The following HTR2C variants were observed in gnomAD, a reference collection of about 807,000 sequenced individuals.
HTR2C encodes the protein 5-hydroxytryptamine receptor 2C, also known as 5-hydroxytryptamine (serotonin) receptor 2C, G protein-coupled.
A neutral mutation model predicts 21.0 loss-of-function variants in HTR2C; 5 were observed. That is an observed-to-expected ratio of 0.24 (90% CI 0.12 to 0.50). The LOEUF is 0.50. HTR2C is among the 20% of genes least tolerant of loss of function. The pLI is 0.98. For missense variants in HTR2C, 271 were observed against 371.2 expected (o/e 0.73, Z 2.22); for synonymous variants, 150 against 145.3 (o/e 1.03, Z -0.23).
At chrX:114,731,995 C>T (rs2069542123) in intron 4 of HTR2C, among the ~76,000 whole-genome samples, 1 of 111,509 alleles carries the variant, frequency 9.0e-6, no homozygotes, top group South Asian at 3.8e-4. Flanking sequence ...GGCTCATCCT[C>T]TTTAATAAAT....
intron 5 of HTR2C, among the ~76,000 whole-genome samples, chrX:114,859,687 T>A (rs1385143170): frequency 9.0e-6 from 1 of 111,194 alleles, no homozygotes; most frequent in African/African-American, 3.3e-5. Context: ...ATTTTCTATG[T>A]CATTGACATC....
At chrX:114,863,171 C>T (rs2071019409) in intron 5 of HTR2C, among the ~76,000 whole-genome samples, 2 of 111,330 alleles carry the variant, frequency 1.8e-5, no homozygotes, top group African/African-American at 3.3e-5. Flanking sequence ...GATATCTCTT[C>T]AATATATATT....
intron 2 of HTR2C, among the ~76,000 whole-genome samples, chrX:114,686,776 T>G (rs1186032698): frequency 1.8e-5 from 2 of 111,111 alleles, no homozygotes; most frequent in African/African-American, 6.5e-5. Context: ...ATACATTATA[T>G]AACTTTTATG....
chrX:114,805,625 CCATATATAT>C (rs1569495509), intron 4 of HTR2C, among the ~76,000 whole-genome samples: 2,445 of 15,642 alleles, frequency 0.16, 732 homozygotes, highest in African/African-American at 0.44. Flanking sequence ...CATATATATA[CCATATATAT>C]ACCATATATA....
intron 4 of HTR2C, among the ~76,000 whole-genome samples, chrX:114,767,069 GTTTA>G (rs1196078361): frequency 8.1e-5 from 9 of 111,017 alleles, no homozygotes; most frequent in Non-Finnish European, 1.1e-4. Context: ...TTTTCATCCT[GTTTA>G]TTTCTGTTTT....
At chrX:114,773,180 C>T (rs2070023208) in intron 4 of HTR2C, among the ~76,000 whole-genome samples, 1 of 111,957 alleles carries the variant, frequency 8.9e-6, no homozygotes, top group Non-Finnish European at 1.9e-5. Context: ...GAACTTCTTT[C>T]CCCCTTTCCC....
intron 2 of HTR2C, among the ~76,000 whole-genome samples, chrX:114,634,928 T>C (rs1929783631): frequency 8.9e-6 from 1 of 112,523 alleles, no homozygotes; most frequent in South Asian, 3.6e-4. Context: ...TATCCCATAG[T>C]TGGACAACTG....
intron 4 of HTR2C, among the ~76,000 whole-genome samples, chrX:114,741,171 C>G (rs905381852): frequency 2.7e-5 from 3 of 110,097 alleles, no homozygotes; most frequent in Non-Finnish European, 3.8e-5. Context: ...AAAACAGAAA[C>G]AGAAACTCCT....
intron 2 of HTR2C, among the ~76,000 whole-genome samples, chrX:114,624,940 AT>A (rs1929320089): frequency 8.9e-6 from 1 of 112,051 alleles, no homozygotes; most frequent in South Asian, 3.7e-4. Flanking sequence ...ATAAGGCTCT[AT>A]AAAACAGTGC....
intron 4 of HTR2C, among the ~76,000 whole-genome samples, chrX:114,833,537 A>G (rs1412809736): frequency 9.0e-6 from 1 of 110,529 alleles, no homozygotes; most frequent in Admixed American, 9.5e-5. Context: ...CGGTGGGATT[A>G]GTGGTGATAT....
At chrX:114,741,761 A>G (rs782120492) in intron 4 of HTR2C, among the ~76,000 whole-genome samples, 1 of 108,623 alleles carries the variant, frequency 9.2e-6, no homozygotes, top group South Asian at 4.1e-4. Flanking sequence ...TTTGTATTCA[A>G]TCAATAACTC....
chrX:114,630,828 C>A, intron 2 of HTR2C: 1 of 372,045 alleles, frequency 2.7e-6, no homozygotes, highest in Non-Finnish European at 5.2e-6. Context: ...TGGGCTCCAT[C>A]TTGACCAACT....
intron 4 of HTR2C, among the ~76,000 whole-genome samples, chrX:114,744,744 A>G (rs1165209966): frequency 1.8e-5 from 2 of 111,314 alleles, no homozygotes; most frequent in African/African-American, 6.5e-5. Context: ...GAGCCACCGC[A>G]CTCAGCCCCC....
chrX:114,705,664 T>C (rs1269674594), intron 2 of HTR2C, among the ~76,000 whole-genome samples: 2 of 87,867 alleles, frequency 2.3e-5, no homozygotes, highest in East Asian at 4.0e-4. Flanking sequence ...ACTTCATGTC[T>C]AAAACACCAA....
chrX:114,585,297 G>A (rs970616381), intron 1 of HTR2C, among the ~76,000 whole-genome samples: 1 of 111,694 alleles, frequency 9.0e-6, no homozygotes, highest in Admixed American at 9.5e-5. Flanking sequence ...GCTGTTAGCT[G>A]AATTTGAACA....
At chrX:114,610,409 A>G (rs1007116732) in intron 1 of HTR2C, among the ~76,000 whole-genome samples, 1 of 112,149 alleles carries the variant, frequency 8.9e-6, no homozygotes, top group Admixed American at 9.5e-5. Context: ...ACTATTTTAT[A>G]TTATCTTTTC....
At chrX:114,847,113 A>G (rs782659855) in intron 4 of HTR2C, among the ~76,000 whole-genome samples, 4 of 111,223 alleles carry the variant, frequency 3.6e-5, no homozygotes, top group African/African-American at 1.3e-4. Flanking sequence ...GATAAACCTC[A>G]AAAACATTAG....
intron 2 of HTR2C, among the ~76,000 whole-genome samples, chrX:114,725,424 T>G (rs1556421669): frequency 9.0e-6 from 1 of 110,634 alleles, no homozygotes. Flanking sequence ...CTTCTAAATT[T>G]TTTTCAAAGT....
At chrX:114,886,705 TATATC>T (rs1556481604) in intron 5 of HTR2C, among the ~76,000 whole-genome samples, 1 of 110,175 alleles carries the variant, frequency 9.1e-6, no homozygotes, top group African/African-American at 3.4e-5. Context: ...AGCACAATAA[TATATC>T]ATTATAATTA....
Sources: gnomAD v4.1 joint callset for allele counts (sites outside exome capture counted in the v4.1 genomes callset) on GRCh38, gnomAD v4.1.1 for gene constraint, MANE v1.5 for transcripts, NCBI Gene and HGNC (gene_info 2026-07-23, HGNC 2026-07-21) for gene names.